The following PRKACB variants were observed in gnomAD, a reference collection of about 807,000 sequenced individuals.
PRKACB encodes protein kinase cAMP-activated catalytic subunit beta, also known as cAMP-dependent protein kinase catalytic subunit beta.
A neutral mutation model predicts 51.4 loss-of-function variants in PRKACB; 16 were observed. The ratio of observed to expected loss-of-function variants is 0.31; its 90% CI spans 0.21 to 0.47. PRKACB has a LOEUF of 0.47. Among genes scored for constraint, PRKACB ranks in the 20% least tolerant of loss-of-function variants. PRKACB has a pLI of 1.00. For synonymous variants in PRKACB, 147 were observed against 154.4 expected (o/e 0.95, Z 0.35); for missense variants, 309 against 464.5 (o/e 0.67, Z 3.08).
rs1311526670 is a variant in PRKACB, at chr1:84,235,385, G to C, written c.*80G>C. ...ATAAGGTAGAGCTGAGACCGTCCTTGTTGAAGCAGTTACCTAGTTCCTTCA... is the reference window on the plus strand; with the variant it reads ...ATAAGGTAGAGCTGAGACCGTCCTTCTTGAAGCAGTTACCTAGTTCCTTCA... On this transcript the variant is annotated 3_prime_UTR_variant, in exon 10 of 10. Transcript: ENST00000370685. The C allele has an allele frequency of 1.3e-6, 2 of 1,565,922 alleles. No individual in the cohort carries two copies. The highest frequency in any genetic ancestry group is 1.7e-6 in the Non-Finnish European group (2 of 1,149,224).
intron 1 of PRKACB, among the ~76,000 whole-genome samples, chr1:84,111,183 T>C (rs915803944): frequency 6.6e-6 from 1 of 152,080 alleles, no homozygotes; most frequent in African/African-American, 2.4e-5. Flanking sequence ...TTGGCCCCTT[T>C]ATCTTGTTTC....
intron 9 of PRKACB, among the ~76,000 whole-genome samples, chr1:84,219,473 A>G (rs531115271): frequency 6.6e-6 from 1 of 151,970 alleles, no homozygotes; most frequent in South Asian, 2.1e-4. Context: ...AGCCTCCCAA[A>G]GTGCTGGGAT....
At chr1:84,101,158 G>C (rs1457006709) in intron 1 of PRKACB, among the ~76,000 whole-genome samples, 1 of 152,176 alleles carries the variant, frequency 6.6e-6, no homozygotes, top group Admixed American at 6.5e-5. Context: ...GGCTAGGTAA[G>C]TCTAAAATCT....
At chr1:84,170,031 A>G (rs1004097176) in intron 1 of PRKACB, among the ~76,000 whole-genome samples, 1 of 151,702 alleles carries the variant, frequency 6.6e-6, no homozygotes, top group Admixed American at 6.6e-5. Context: ...CTTTAAATGA[A>G]TACCTGAATT....
intron 1 of PRKACB, among the ~76,000 whole-genome samples, chr1:84,152,272 A>G (rs1269775764): frequency 6.6e-6 from 1 of 152,168 alleles, no homozygotes; most frequent in African/African-American, 2.4e-5. Context: ...CATTCCATTT[A>G]TAGAGTACAG....
intron 1 of PRKACB, among the ~76,000 whole-genome samples, chr1:84,174,593 T>C (rs1330340109): frequency 6.6e-6 from 1 of 151,872 alleles, no homozygotes; most frequent in African/African-American, 2.4e-5. Flanking sequence ...ACTGAGGAAG[T>C]GGAATGACTG....
chr1:84,125,664 T>C (rs1230648365), intron 1 of PRKACB, among the ~76,000 whole-genome samples: 3 of 152,224 alleles, frequency 2.0e-5, no homozygotes, highest in Non-Finnish European at 4.4e-5. Context: ...ATCTACTTAA[T>C]AGTTAAAGAA....
At chr1:84,143,820 A>T (rs984689249), upstream of PRKACB, among the ~76,000 whole-genome samples, 3 of 152,120 alleles carry the variant, frequency 2.0e-5, no homozygotes, top group African/African-American at 7.2e-5. Flanking sequence ...TATACGTGTT[A>T]TAAATTTGTT....
At chr1:84,098,568 TA>T (rs1649100876) in intron 1 of PRKACB, among the ~76,000 whole-genome samples, 1 of 152,070 alleles carries the variant, frequency 6.6e-6, no homozygotes, top group Non-Finnish European at 1.5e-5. Flanking sequence ...GGAGAAGGTA[TA>T]AAAGTCATCT....
intron 9 of PRKACB, among the ~76,000 whole-genome samples, chr1:84,216,141 C>T (rs1572495736): frequency 1.3e-5 from 2 of 152,008 alleles, no homozygotes; most frequent in South Asian, 4.1e-4. Context: ...GAGTTTGAGA[C>T]CAGCCTGGCA....
At chr1:84,185,042 T>C (rs1664689127) in intron 4 of PRKACB, 58 bp from the exon 5 acceptor site, 2 of 1,010,470 alleles carry the variant, frequency 2.0e-6, no homozygotes, top group South Asian at 1.7e-5. Flanking sequence ...CATTATATAA[T>C]ATTAAAATAA....
intron 1 of PRKACB, among the ~76,000 whole-genome samples, chr1:84,094,262 G>T (rs577167466): frequency 6.6e-6 from 1 of 151,578 alleles, no homozygotes; most frequent in African/African-American, 2.4e-5. Flanking sequence ...TTCTATTCCT[G>T]GTTTGCTAAT....
chr1:84,135,940 C>G (rs1015091667), intron 1 of PRKACB, among the ~76,000 whole-genome samples: 9 of 148,694 alleles, frequency 6.1e-5, no homozygotes, highest in Non-Finnish European at 8.9e-5. Context: ...AAATGGAAAA[C>G]AATAAATTCA....
At chr1:84,170,822 G>A (rs536191401) in intron 1 of PRKACB, among the ~76,000 whole-genome samples, 1 of 151,626 alleles carries the variant, frequency 6.6e-6, no homozygotes, top group Non-Finnish European at 1.5e-5. Context: ...TTCTAACAGA[G>A]CCTTAAAATA....
At chr1:84,111,235 A>G (rs769758972) in intron 1 of PRKACB, among the ~76,000 whole-genome samples, 3 of 152,078 alleles carry the variant, frequency 2.0e-5, no homozygotes, top group Non-Finnish European at 4.4e-5. Flanking sequence ...TTAAGGCACA[A>G]TAAGACTTTG....
At chr1:84,098,947 TG>T (rs1649134408) in intron 1 of PRKACB, among the ~76,000 whole-genome samples, 1 of 152,068 alleles carries the variant, frequency 6.6e-6, no homozygotes, top group African/African-American at 2.4e-5. Context: ...TAAAGATTGT[TG>T]AAGTTGAGAT....
chr1:84,184,058 G>T lies in PRKACB; in HGVS notation c.400G>T (p.Glu134Ter). 6.3e-7 allele frequency: 1 copy of T among 1,598,320 alleles called. No homozygotes were observed. Among genetic ancestry groups the T allele is most frequent in the South Asian group, 1.1e-5 (1 of 87,552 alleles). The change falls in exon 4 of 10, where the codon GAG becomes TAG. Residue 134 changes from glutamate to a stop codon, truncating the protein, a stop_gained. Transcript: ENST00000370685. LOFTEE classifies it high-confidence loss of function. ...KQKVVKLKQI[E>*]HTLNEKRILQ... Reference sequence around the variant, plus strand: ...ACAGGTTGTTAAACTGAAGCAAATAGAGCATACTTTGAATGAGAAAAGAAT... The same window carrying T: ...ACAGGTTGTTAAACTGAAGCAAATATAGCATACTTTGAATGAGAAAAGAAT...
chr1:84,205,195 A>G, intron 8 of PRKACB: 1 of 984,482 alleles, frequency 1.0e-6, no homozygotes, highest in Non-Finnish European at 1.2e-6. Flanking sequence ...CATCTAAAGT[A>G]GAAGTCATGA....
chr1:84,235,250 A>G lies in PRKACB; in HGVS notation c.1142A>G (p.Glu381Gly), dbSNP rs1480898564. The G allele has an allele frequency of 1.2e-6, 2 of 1,613,992 alleles. No individual in the cohort carries two copies. Among genetic ancestry groups the G allele is most frequent in the Non-Finnish European group, 1.7e-6 (2 of 1,179,946 alleles). ...AGCAACTTTGATGACTATGAAGAAG[A>G]AGATATCCGTGTCTCTATAACAGAA... is the stretch of plus-strand genomic sequence containing the variant. The part of the protein sequence containing the change: ...DTSNFDDYEE[E>G]DIRVSITEKC... The change falls in exon 10 of 10, where the codon GAA becomes GGA. Residue 381 changes from glutamate (E) to glycine (G), a missense_variant. Around this residue, in one of 3 missense-constraint regions of PRKACB, gnomAD observed 96 missense variants for 129.9 expected, o/e 0.74. Transcript: ENST00000370685.
Sources: allele counts gnomAD v4.1 joint callset (sites outside exome capture counted in the v4.1 genomes callset), GRCh38; gene constraint gnomAD v4.1.1; regional missense constraint gnomAD v4.1.1; transcripts MANE v1.5; gene names NCBI Gene and HGNC (gene_info 2026-07-23, HGNC 2026-07-21).